The following HEATR5B variants were observed in gnomAD, a reference collection of about 807,000 sequenced individuals.
HEATR5B encodes HEAT repeat-containing protein 5B.
A neutral mutation model predicts 224.1 loss-of-function variants in HEATR5B; 156 were observed. The observed-to-expected ratio is 0.70, with a 90% confidence interval of 0.61 to 0.80. The LOEUF (loss-of-function observed/expected upper bound fraction) is 0.80, where lower values mean the gene tolerates loss of function less well. Ranked by LOEUF, HEATR5B falls within the 30% of genes least tolerant of loss-of-function variation. HEATR5B has a pLI of 0.00. For synonymous variants in HEATR5B, 1,027 were observed against 893.0 expected, an observed-to-expected ratio of 1.15 and a Z score of -2.68; for missense variants, 2,323 against 2,535.5, an observed-to-expected ratio of 0.92 and a Z score of 1.80.
intron 18 of HEATR5B, 39 bp downstream of exon 18, chr2:37,049,614 G>T: frequency 6.7e-7 from 1 of 1,502,528 alleles, no homozygotes; most frequent in Non-Finnish European, 9.2e-7. Flanking sequence ...AGACATCTTT[G>T]CCTACACATG....
rs112325776 is a variant in HEATR5B, at chr2:36,983,853, T to C, written c.5912-2059A>G. Among the ~76,000 whole-genome samples, 1,324 of 152,140 alleles carry C rather than the reference T, an allele frequency of 8.7e-3. 20 individuals are homozygous for C. Among genetic ancestry groups the C allele is most frequent in the African/African-American group, 0.028 (1,179 of 41,524 alleles). ...GCTAAATTGGAAGAGGTTTCAATAG[T>C]AGGTTTTCAACAGTAGGTTGAAAAT... On this transcript the variant is annotated intron_variant, in intron 35 of 35. Coordinates refer to ENST00000233099, the MANE Select transcript of HEATR5B (RefSeq NM_019024.3).
At position 37,007,094 on chromosome 2, in the gene HEATR5B, T is replaced by A. The variant is rs1044497224; in HGVS notation, c.4733A>T (p.Lys1578Ile). The A allele has an allele frequency of 1.2e-6, 2 of 1,614,014 alleles. No individual in the cohort carries two copies. The highest frequency in any genetic ancestry group is 1.7e-6 in the Non-Finnish European group (2 of 1,180,018). The change falls in exon 29 of 36, where the codon AAA (lysine) becomes ATA (isoleucine). Residue 1578 changes from lysine (K) to isoleucine (I), a missense_variant. Lys to Ile is a moderately radical substitution (Grantham distance 102, BLOSUM62 -3). Around this residue, in one of 12 missense-constraint regions of HEATR5B, gnomAD observed 844 missense variants for 812.9 expected, o/e 1.04. Transcript: ENST00000233099. ...GTCTTTGTTAATTTCTGGCAAAGATTTAGCACTACCCACTGCTCCTGATGC... is the reference window on the plus strand; with the variant it reads ...GTCTTTGTTAATTTCTGGCAAAGATATAGCACTACCCACTGCTCCTGATGC... ...NQASGAVGSA[K>I]SLPEINKDRM... is the part of the protein sequence containing the mutation.
At chr2:37,052,511 A>C (rs146197102) in intron 17 of HEATR5B, among the ~76,000 whole-genome samples, 57 of 152,392 alleles carry the variant, frequency 3.7e-4, no homozygotes, top group African/African-American at 1.2e-3. Context: ...GATTTCAGAC[A>C]GAAGATTTGT....
intron 31 of HEATR5B, 57 bp from the exon 32 acceptor site, chr2:37,002,629 C>CACAAGTATATTTAGGAAATTCCTTCAAA (rs1308730682): frequency 6.5e-7 from 1 of 1,543,330 alleles, no homozygotes; most frequent in Non-Finnish European, 8.8e-7. Flanking sequence ...TGTAAAACAA[C>CACAAGTATATTTAGGAAATTCCTTCAAA]ACAAGTATAT....
At chr2:37,032,884 G>GTTTTTT in intron 21 of HEATR5B, 111 bp from the exon 22 acceptor site, 1 of 702,390 alleles carries the variant, frequency 1.4e-6, no homozygotes, top group Non-Finnish European at 2.1e-6. Context: ...GTTTTGTTTT[G>GTTTTTT]TTTTTTTTTT....
intron 8 of HEATR5B, among the ~76,000 whole-genome samples, chr2:37,066,720 A>T (rs1201540940): frequency 1.3e-5 from 2 of 151,668 alleles, no homozygotes; most frequent in African/African-American, 2.4e-5. Context: ...TTCAGGATTT[A>T]AAAAAAAATC....
At position 37,000,720 on chromosome 2, in the gene HEATR5B, G is replaced by A; in HGVS notation, c.5411C>T (p.Pro1804Leu). The A allele has an allele frequency of 1.2e-6, 2 of 1,613,978 alleles. No individual in the cohort carries two copies. The highest frequency in any genetic ancestry group is 1.7e-6 in the Non-Finnish European group (2 of 1,179,872). ...IKSADNQVPPPVSAALQGIKS... is the reference protein window; with the variant it reads ...IKSADNQVPPLVSAALQGIKS... ...AATCCCTTGAAGAGCTGCACTGACT[G>A]GTGGAGGAACCTGATTATCTGCAGA... Residue 1804 changes from proline (P) to leucine (L), a missense_variant, in exon 33 of 36, where the codon CCA becomes CTA. Around this residue, in one of 12 missense-constraint regions of HEATR5B, gnomAD observed 844 missense variants for 812.9 expected, o/e 1.04. Coordinates refer to ENST00000233099, the MANE Select transcript of HEATR5B (RefSeq NM_019024.3).
rs1288669091 is a variant in HEATR5B, at chr2:37,056,498, T to C, written c.2341A>G (p.Ile781Val). ...PGPLPLGVSV[I>V]DASVALFGVV... ...CCAAAAAGGGCCACAGAAGCATCAA[T>C]GACTGAGACTCCGAGAGGGAGGGGA... The change falls in exon 16 of 36, where the codon ATT becomes GTT. Residue 781 changes from isoleucine to valine, a missense_variant. Physicochemically the swap from Ile to Val is conservative, Grantham distance 29 (BLOSUM62 3). Around this residue, in one of 12 missense-constraint regions of HEATR5B, gnomAD observed 170 missense variants for 216.7 expected, o/e 0.78. Transcript: ENST00000233099. 6.2e-7 allele frequency: 1 copy of C among 1,613,252 alleles called. No individual in the cohort carries two copies. Among genetic ancestry groups the C allele is most frequent in the Non-Finnish European group, 8.5e-7 (1 of 1,179,516 alleles).
chr2:37,031,879 C>G (rs1305992410), intron 22 of HEATR5B, among the ~76,000 whole-genome samples: 1 of 151,764 alleles, frequency 6.6e-6, no homozygotes, highest in Non-Finnish European at 1.5e-5. Context: ...ACCTAGATAT[C>G]AGAAGACCAG....
intron 17 of HEATR5B, among the ~76,000 whole-genome samples, chr2:37,052,076 T>A (rs919579737): frequency 6.6e-6 from 1 of 152,304 alleles, no homozygotes; most frequent in East Asian, 1.9e-4. Context: ...CCTATATATA[T>A]CCTTTTTCCC....
rs573321362 is a variant in HEATR5B at position 37,001,462 on chromosome 2, G to T, written c.5318-649C>A. Among the ~76,000 whole-genome samples, 3 of 152,108 alleles carry T rather than the reference G, an allele frequency of 2.0e-5. No homozygotes were observed. In the East Asian group the frequency reaches 5.8e-4, roughly 29 times the overall value. ...TAGGGTAACTCTAAGAGGTAGAAAG[G>T]TCTTCCGTGAGTTGAGCTGAAATTT... On this transcript the variant is annotated intron_variant, in intron 32 of 35. Transcript: ENST00000233099.
In HEATR5B at chr2:37,028,120, T is replaced by G. The variant is rs1313090571; in HGVS notation, c.3656A>C (p.Lys1219Thr). 1 of 1,611,844 alleles carries G rather than the reference T, an allele frequency of 6.2e-7. No homozygotes were observed. The change falls in exon 24 of 36, where the codon AAA (lysine) becomes ACA (threonine). Residue 1219 changes from lysine (K) to threonine (T), a missense_variant. Transcript: ENST00000233099. ...SSGKDEEAEK[K>T]DEMDDDTMFT... Reference sequence around the variant, plus strand: ...CATGGTATCATCATCCATCTCATCTTTCTTTTCAGCTTCTTCATCTTTTCC... The same window carrying G: ...CATGGTATCATCATCCATCTCATCTGTCTTTTCAGCTTCTTCATCTTTTCC...
chr2:37,009,290 A>G (rs986464387), intron 27 of HEATR5B, among the ~76,000 whole-genome samples: 4 of 150,732 alleles, frequency 2.7e-5, no homozygotes, highest in Non-Finnish European at 5.9e-5. Context: ...AGAAGAAAGT[A>G]TATACTTTGA....
chr2:37,051,354 CAAAAAAAAA>C (rs11313174), intron 17 of HEATR5B, among the ~76,000 whole-genome samples: 1 of 66,040 alleles, frequency 1.5e-5, no homozygotes, highest in Non-Finnish European at 2.8e-5. Context: ...AACTCCATCT[CAAAAAAAAA>C]AAAAAAAAAA....
chr2:36,989,125 C>G (rs1666148172), intron 34 of HEATR5B, among the ~76,000 whole-genome samples: 1 of 152,092 alleles, frequency 6.6e-6, no homozygotes, highest in Admixed American at 6.6e-5. Flanking sequence ...CTCGCTCTGT[C>G]GCCAGGCTAG....
chr2:37,073,572 T>C (rs1468303968), intron 5 of HEATR5B, among the ~76,000 whole-genome samples: 2 of 152,198 alleles, frequency 1.3e-5, no homozygotes, highest in Non-Finnish European at 2.9e-5. Context: ...GAATTCATGA[T>C]TTTAGTCATA....
In HEATR5B at chr2:37,028,220, AATG is replaced by A. The variant is rs1449312885; in HGVS notation, c.3602-49_3602-47del. 3.1e-6 allele frequency: 4 copies of A among 1,296,792 alleles called. No individual in the cohort carries two copies. In the Admixed American group the frequency reaches 7.7e-5, roughly 25 times the overall value. 80.3% of individuals were successfully genotyped at this position (1,296,792 alleles called of 1,614,324 possible). On this transcript the variant is annotated intron_variant, in intron 23 of 35. Transcript: ENST00000233099. ...ATTGTAACAATCTCACATAAGCAAA[AATG>A]ATCCTTTAAAAAGTTATTAATATTA... is the stretch of plus-strand genomic sequence containing the variant.
Position 37,068,888 on chromosome 2 carries a change from C to G in HEATR5B, c.970G>C (p.Glu324Gln). 6.2e-7 allele frequency: 1 copy of G among 1,614,076 alleles called. No individual in the cohort carries two copies. Among genetic ancestry groups the G allele is most frequent in the Non-Finnish European group, 8.5e-7 (1 of 1,179,980 alleles). ...GACAGGAACGTGGCAAAGCTGCGCT[C>G]CAACCACTGACCACCCAATGTTGTC... ...FVTTLGGQWL[E>Q]RSFATFLSHV... The change falls in exon 8 of 36, where the codon GAG becomes CAG. Residue 324 changes from glutamate to glutamine, a missense_variant. Coordinates refer to ENST00000233099, the MANE Select transcript of HEATR5B (RefSeq NM_019024.3).
At chr2:37,074,721 T>A (rs1221300933) in intron 5 of HEATR5B, among the ~76,000 whole-genome samples, 1 of 152,022 alleles carries the variant, frequency 6.6e-6, no homozygotes, top group Non-Finnish European at 1.5e-5. Context: ...AACAACCCAA[T>A]AAAACAATGG....
Sources: gnomAD v4.1 joint callset for allele counts (sites outside exome capture counted in the v4.1 genomes callset) on GRCh38, gnomAD v4.1.1 for gene constraint, gnomAD v4.1.1 regional missense constraint, MANE v1.5 for transcripts, NCBI Gene and HGNC (gene_info 2026-07-23, HGNC 2026-07-21) for gene names.